Variants in AKAP13 observed in about 807,000 individuals in gnomAD.
AKAP13 encodes A-kinase anchoring protein 13, also known as A-kinase anchor protein 13.
AKAP13 carries 80 observed loss-of-function variants against 264.5 expected under a neutral mutation model. The ratio of observed to expected loss-of-function variants is 0.30; its 90% confidence interval spans 0.25 to 0.36. AKAP13 has a LOEUF of 0.36. Among genes scored for constraint, AKAP13 ranks in the 10% least tolerant of loss-of-function variants. The pLI, the probability that AKAP13 is intolerant of heterozygous loss-of-function variation, is 1.00. For missense variants in AKAP13, 3,712 were observed against 3,435.2 expected, an observed-to-expected ratio of 1.08 and a Z score of -2.01; for synonymous variants, 1,380 against 1,250.2, an observed-to-expected ratio of 1.10 and a Z score of -2.19.
chr15:85,496,746 C>T (rs2075882755), intron 2 of AKAP13, among the ~76,000 whole-genome samples: 1 of 152,196 alleles, frequency 6.6e-6, no homozygotes, highest in Admixed American at 6.5e-5. Context: ...AAATGGATTA[C>T]CTGCCTTTGC....
chr15:85,680,715 C>CA (rs1308018654), intron 14 of AKAP13, among the ~76,000 whole-genome samples: 10 of 152,056 alleles, frequency 6.6e-5, no homozygotes, highest in African/African-American at 2.2e-4. Context: ...AAATTTGTAA[C>CA]AATAATAGAT....
rs559190735 is a variant in AKAP13 at position 85,427,520 on chromosome 15, C to T, written c.-12+46722C>T. Among the ~76,000 whole-genome samples the T allele has an allele frequency of 6.6e-5, 10 of 151,932 alleles. No homozygotes were observed. The South Asian group carries it at 1.9e-3, about 28-fold the overall frequency. ...GCAAGTTTGTAGTTGTGTGTGTGTG[C>T]GCACACACACGCTTTAAAAGTAAAA... On this transcript the variant is annotated intron_variant, in intron 1 of 36. Coordinates refer to ENST00000394518, the MANE Select transcript of AKAP13 (RefSeq NM_007200.5).
At chr15:85,457,832 G>A (rs1378494235) in intron 1 of AKAP13, among the ~76,000 whole-genome samples, 2 of 152,102 alleles carry the variant, frequency 1.3e-5, no homozygotes, top group Non-Finnish European at 2.9e-5. Context: ...TTCCAGGGGT[G>A]AGGCACTGTC....
At chr15:85,491,720 G>C (rs1202994005) in intron 2 of AKAP13, among the ~76,000 whole-genome samples, 1 of 151,974 alleles carries the variant, frequency 6.6e-6, no homozygotes, top group African/African-American at 2.4e-5. Context: ...TGATTTAATA[G>C]TAGTCCTTTC....
At chr15:85,437,705 C>A (rs1482337933) in intron 1 of AKAP13, among the ~76,000 whole-genome samples, 1 of 152,068 alleles carries the variant, frequency 6.6e-6, no homozygotes, top group Non-Finnish European at 1.5e-5. Context: ...ATAAACAGAG[C>A]CAAAGACAAA....
chr15:85,500,778 T>C (rs1346173772), intron 2 of AKAP13, among the ~76,000 whole-genome samples: 2 of 152,168 alleles, frequency 1.3e-5, no homozygotes, highest in African/African-American at 2.4e-5. Flanking sequence ...CTCCCAGAAA[T>C]GTGTTTGTTT....
chr15:85,521,813 A>G (rs894586282), intron 3 of AKAP13, among the ~76,000 whole-genome samples: 2 of 152,180 alleles, frequency 1.3e-5, no homozygotes, highest in South Asian at 4.1e-4. Context: ...AATTCTGTAA[A>G]TTATAACTTA....
At chr15:85,733,136 G>A (rs1385571140) in intron 30 of AKAP13, among the ~76,000 whole-genome samples, 1 of 152,172 alleles carries the variant, frequency 6.6e-6, no homozygotes, top group Non-Finnish European at 1.5e-5. Context: ...TCTAGCATGT[G>A]CCTCAGGAAA....
At chr15:85,567,457 G>A (rs547721373) in intron 5 of AKAP13, among the ~76,000 whole-genome samples, 1 of 152,134 alleles carries the variant, frequency 6.6e-6, no homozygotes, top group Non-Finnish European at 1.5e-5. Context: ...GTGACTGTAG[G>A]CTTTTAGTAT....
At chr15:85,578,885 T>G in intron 6 of AKAP13, 45 bp from the exon 7 acceptor site, 1 of 1,571,308 alleles carries the variant, frequency 6.4e-7, no homozygotes, top group Non-Finnish European at 8.7e-7. Context: ...AGTGACATCT[T>G]CTCCTACAGG....
At chr15:85,540,034 T>C (rs895690586) in intron 4 of AKAP13, among the ~76,000 whole-genome samples, 2 of 152,050 alleles carry the variant, frequency 1.3e-5, no homozygotes, top group Non-Finnish European at 2.9e-5. Context: ...AGTGTTCAAG[T>C]AGAGAAGCAG....
intron 8 of AKAP13, among the ~76,000 whole-genome samples, chr15:85,632,312 G>C (rs2081874258): frequency 6.6e-6 from 1 of 152,192 alleles, no homozygotes; most frequent in Admixed American, 6.5e-5. Flanking sequence ...TGTCACAGCT[G>C]AGAAATCTAA....
chr15:85,563,340 T>TTTG (rs1401685120), intron 5 of AKAP13, among the ~76,000 whole-genome samples: 1 of 136,538 alleles, frequency 7.3e-6, no homozygotes, highest in Non-Finnish European at 1.6e-5. Context: ...TTTTTTTTTT[T>TTTG]TTTTTTTTTT....
chr15:85,714,422 A>G (rs972948168), intron 19 of AKAP13, among the ~76,000 whole-genome samples: 2 of 152,220 alleles, frequency 1.3e-5, no homozygotes, highest in African/African-American at 4.8e-5. Flanking sequence ...ATCTGTAGTT[A>G]CAGGTGTTAA....
chr15:85,486,062 G>A (rs2075531557), intron 2 of AKAP13, among the ~76,000 whole-genome samples: 1 of 152,204 alleles, frequency 6.6e-6, no homozygotes, highest in African/African-American at 2.4e-5. Context: ...TTTACCTGCA[G>A]TGCATTCCTG....
chr15:85,676,957 C>T (rs1195682056), intron 14 of AKAP13: 1 of 985,354 alleles, frequency 1.0e-6, no homozygotes, highest in African/African-American at 1.7e-5. Flanking sequence ...CTAATGTCTT[C>T]TGTGAACCTC....
intron 26 of AKAP13, among the ~76,000 whole-genome samples, chr15:85,725,133 C>G (rs1196535779): frequency 6.6e-6 from 1 of 152,144 alleles, no homozygotes; most frequent in Non-Finnish European, 1.5e-5. Context: ...CTAGTAGATT[C>G]CAGCTGTTGC....
intron 1 of AKAP13, among the ~76,000 whole-genome samples, chr15:85,444,455 C>A (rs956419736): frequency 1.3e-5 from 2 of 152,194 alleles, no homozygotes; most frequent in Non-Finnish European, 2.9e-5. Flanking sequence ...GTTTTCACAT[C>A]TCTTATTCTA....
At chr15:85,527,317 C>T (rs1358382623) in intron 3 of AKAP13, among the ~76,000 whole-genome samples, 1 of 152,154 alleles carries the variant, frequency 6.6e-6, no homozygotes, top group Non-Finnish European at 1.5e-5. Flanking sequence ...ACCATGAACA[C>T]AGCACTGGAA....
Sources: allele counts gnomAD v4.1 joint callset (sites outside exome capture counted in the v4.1 genomes callset), GRCh38; gene constraint gnomAD v4.1.1; transcripts MANE v1.5; gene names NCBI Gene and HGNC (gene_info 2026-07-23, HGNC 2026-07-21).